Variants in PLEKHG3 observed in about 807,000 individuals in gnomAD.
The protein encoded by PLEKHG3 is pleckstrin homology and RhoGEF domain containing G3, also known as pleckstrin homology domain-containing family G member 3.
In PLEKHG3, 62 loss-of-function variants were observed where a neutral mutation model predicts 94.9. That is an observed-to-expected ratio of 0.65 (90% CI 0.53 to 0.81). PLEKHG3 has a LOEUF of 0.81. PLEKHG3 is among the 30% of genes least tolerant of loss of function. The pLI, the probability that PLEKHG3 is intolerant of heterozygous loss-of-function variation, is 0.00. For missense variants in PLEKHG3, 1,461 were observed against 1,619.3 expected (o/e 0.90, Z 1.68); for synonymous variants, 614 against 654.0 (o/e 0.94, Z 0.93).
In PLEKHG3 at chr14:64,731,566, CCTCTGCCATCTT is replaced by C; in HGVS notation, c.1032+28_1032+39del. On this transcript the variant is annotated intron_variant, in intron 8 of 16. Coordinates refer to ENST00000247226, the MANE Select transcript of PLEKHG3 (RefSeq NM_001308147.2). The surrounding 1 kb of genome is among the most constrained non-coding windows in gnomAD (Gnocchi z 6.1). The stretch of plus-strand genomic sequence containing the variant: ...CCGGTAACCAGGCCCTGCCCCATCT[CCTCTGCCATCTT>C]CTCTCCTTCCCAAAGGATCTGGGCT... 2 of 1,609,018 alleles carry C rather than the reference CCTCTGCCATCTT, an allele frequency of 1.2e-6. No homozygotes were observed. Among genetic ancestry groups the C allele is most frequent in the Non-Finnish European group, 8.5e-7 (1 of 1,175,510 alleles).
chr14:64,731,130 C>T lies in PLEKHG3; in HGVS notation c.810C>T (p.Asn270=), dbSNP rs61742002. 446 of 1,612,930 alleles carry T rather than the reference C, an allele frequency of 2.8e-4. 3 individuals are homozygous for T. In the African/African-American group the frequency reaches 5.3e-3, roughly 19 times the overall value. The change falls in exon 7 of 17, where the codon AAC becomes AAT. Residue 270 remains asparagine (N), a synonymous_variant. Transcript: ENST00000247226. The surrounding 1 kb of genome is among the most constrained non-coding windows in gnomAD (Gnocchi z 6.1). The part of the protein sequence containing the change: ...DTMTCVAWYI[N]DMKRRHEHAV... The stretch of plus-strand genomic sequence containing the variant: ...TGACCTGTGTGGCCTGGTACATCAA[C>T]GACATGAAGAGGAGGCATGAGCACG...
In PLEKHG3 at chr14:64,738,361, G is replaced by A. The variant is rs1196070043; in HGVS notation, c.1405-381G>A. On this transcript the variant is annotated intron_variant, in intron 14 of 16. Transcript: ENST00000247226. This position sits in a 1 kb window ranked among gnomAD's most constrained non-coding sequence, Gnocchi z 4.8. ...CCTCCCCTCAGCACTTAACACCATC[G>A]CTCGCTGTCACACCCTGGTGAGCCC... is the stretch of plus-strand genomic sequence containing the variant. 33 of 436,240 alleles carry A rather than the reference G, an allele frequency of 7.6e-5. No homozygotes were observed. Among genetic ancestry groups the A allele is most frequent in the Non-Finnish European group, 1.1e-4 (28 of 243,742 alleles). 27.0% of individuals were successfully genotyped at this position (436,240 alleles called of 1,614,324 possible). A position where few individuals can be genotyped will look rare whatever the true frequency, so the allele number is the denominator to read the frequency against.
At position 64,729,095 on chromosome 14, in the gene PLEKHG3, T is replaced by C; in HGVS notation, c.449+2T>C. ...AGAAAATATCTACGCGCTGAACAGG[T>C]GTGTGAATGGGCCTGACACTCACCA... On this transcript the variant is annotated splice_donor_variant, in intron 3 of 16. Coordinates refer to ENST00000247226, the MANE Select transcript of PLEKHG3 (RefSeq NM_001308147.2). LOFTEE classifies it high-confidence loss of function. 7.1e-7 allele frequency: 1 copy of C among 1,406,664 alleles called. No homozygotes were observed. The highest frequency in any genetic ancestry group is 9.7e-7 in the Non-Finnish European group (1 of 1,030,406). The allele number at this position is 1,406,664 out of a possible 1,614,324, so 87.1% of individuals were successfully genotyped here.
intron 1 of PLEKHG3, among the ~76,000 whole-genome samples, chr14:64,713,822 T>A (rs1340648407): frequency 6.6e-6 from 1 of 152,208 alleles, no homozygotes; most frequent in Admixed American, 6.5e-5. Flanking sequence ...CTATCTTATT[T>A]GTTTGAATTA....
rs906868058 is a variant in PLEKHG3, at chr14:64,718,575, C to G, written c.-39-9018C>G. On this transcript the variant is annotated intron_variant, in intron 1 of 16. Transcript: ENST00000247226. The surrounding 1 kb of genome is among the most constrained non-coding windows in gnomAD (Gnocchi z 5.0). ...TAGGTTGGAAGATTACTAGGGTTAT[C>G]TTCAAATCAGAGAGAGATTGAGGCA... is the stretch of plus-strand genomic sequence containing the variant. 6.6e-6 allele frequency among the ~76,000 whole-genome samples: 1 copy of G among 152,324 alleles called. No homozygotes were observed. Among genetic ancestry groups the G allele is most frequent in the East Asian group, 1.9e-4 (1 of 5,188 alleles).
At chr14:64,707,275 C>T (rs1341475022) in intron 1 of PLEKHG3, among the ~76,000 whole-genome samples, 2 of 152,230 alleles carry the variant, frequency 1.3e-5, no homozygotes, top group African/African-American at 4.8e-5. Flanking sequence ...TCAAGCTCAT[C>T]TGGGCCCCAC....
Position 64,741,554 on chromosome 14 carries a change from C to T in PLEKHG3, c.2037C>T (p.Asp679=), listed in dbSNP as rs1677350271. The T allele has an allele frequency of 1.9e-6, 3 of 1,612,902 alleles. No individual in the cohort carries two copies. The highest frequency in any genetic ancestry group is 1.3e-5 in the African/African-American group (1 of 74,954). ...VDISVGVATE[D]SPSVNGMEPP... ...TCAGTGTGGGGGTGGCCACAGAGGA[C>T]AGCCCTTCTGTCAATGGGATGGAGC... The change falls in exon 16 of 17, where the codon GAC becomes GAT. Residue 679 remains aspartate, a synonymous_variant. Transcript: ENST00000247226.
Position 64,749,257 on chromosome 14 carries a change from G to A in PLEKHG3, c.*5554G>A, listed in dbSNP as rs115474163. 6.5e-7 allele frequency: 1 copy of A among 1,537,410 alleles called. No individual in the cohort carries two copies. The highest frequency in any genetic ancestry group is 8.7e-7 in the Non-Finnish European group (1 of 1,146,386). ...GCGAGAGGAGGCCAAGGCCTGGGCT[G>A]CCCGGTCTCTGCGCGTCCCGACTCC... On this transcript the variant is annotated 3_prime_UTR_variant, in exon 17 of 17. Transcript: ENST00000247226. The surrounding 1 kb of genome is among the most constrained non-coding windows in gnomAD (Gnocchi z 4.7).
rs1233573306 is a variant in PLEKHG3 at position 64,749,528 on chromosome 14, G to A, written c.*5825G>A. 2.5e-6 allele frequency: 4 copies of A among 1,598,398 alleles called. No homozygotes were observed. The highest frequency in any genetic ancestry group is 1.1e-5 in the South Asian group (1 of 90,684). ...GGAGGCCCACAGCCCCCCACCTCCC[G>A]GGCCAGGCAACAATGGTGGGGGCTC... On this transcript the variant is annotated 3_prime_UTR_variant, in exon 17 of 17. Coordinates refer to ENST00000247226, the MANE Select transcript of PLEKHG3 (RefSeq NM_001308147.2). This position sits in a 1 kb window ranked among gnomAD's most constrained non-coding sequence, Gnocchi z 4.7.
chr14:64,743,014 T>C lies in PLEKHG3; in HGVS notation c.2971T>C (p.Tyr991His). ...GAAGCCGGTGCTGTCTCTATTTGAC[T>C]ATGAGCAGCTGATGGCCCAGGAGCA... ...KRKPVLSLFD[Y>H]EQLMAQEHSP... The change falls in exon 17 of 17, where the codon TAT becomes CAT. Residue 991 changes from tyrosine (Y) to histidine (H), a missense_variant. This residue lies in a region of PLEKHG3 where 1,201 missense variants were observed against 1,295.5 expected (regional missense o/e 0.93). Coordinates refer to ENST00000247226, the MANE Select transcript of PLEKHG3 (RefSeq NM_001308147.2). The surrounding 1 kb of genome is among the most constrained non-coding windows in gnomAD (Gnocchi z 7.2). The C allele has an allele frequency of 6.2e-7, 1 of 1,613,278 alleles. No homozygotes were observed.
At chr14:64,740,711 C>T (rs1174957748) in intron 15 of PLEKHG3, among the ~76,000 whole-genome samples, 1 of 152,240 alleles carries the variant, frequency 6.6e-6, no homozygotes, top group Non-Finnish European at 1.5e-5. Context: ...GCCCAACCCA[C>T]TGTTGTGTGT....
In PLEKHG3 at chr14:64,720,265, G is replaced by A. The variant is rs533282179; in HGVS notation, c.-39-7328G>A. 1.2e-4 allele frequency among the ~76,000 whole-genome samples: 19 copies of A among 152,304 alleles called. No homozygotes were observed. The highest frequency in any genetic ancestry group is 4.1e-4 in the South Asian group (2 of 4,832). On this transcript the variant is annotated intron_variant, in intron 1 of 16. Coordinates refer to ENST00000247226, the MANE Select transcript of PLEKHG3 (RefSeq NM_001308147.2). The surrounding 1 kb of genome is among the most constrained non-coding windows in gnomAD (Gnocchi z 4.1). ...TGTAGCCCAGCGGGGCAGCTATGCC[G>A]TGCTCTAGCTCCCTGTCTGGGGCCA...
intron 1 of PLEKHG3, among the ~76,000 whole-genome samples, chr14:64,706,986 G>C (rs1038727498): frequency 6.6e-6 from 1 of 152,230 alleles, no homozygotes; most frequent in Non-Finnish European, 1.5e-5. Context: ...GGAGGGTGTT[G>C]CTTTTGCAGC....
In PLEKHG3 at chr14:64,748,462, T is replaced by C. The variant is rs1207468967; in HGVS notation, c.*4759T>C. The C allele has an allele frequency of 6.6e-6, 1 of 152,232 alleles. No homozygotes were observed. Among genetic ancestry groups the C allele is most frequent in the East Asian group, 1.9e-4 (1 of 5,178 alleles). 9.4% of individuals were successfully genotyped at this position (152,232 alleles called of 1,614,324 possible). A position where few individuals can be genotyped will look rare whatever the true frequency, so the allele number is the denominator to read the frequency against. On this transcript the variant is annotated 3_prime_UTR_variant, in exon 17 of 17. Transcript: ENST00000247226. ...GTGTTGTGACGCACCTGTCACTCCT[T>C]CAGATCAGAGCCCTGTGCCCTAGCC...
Position 64,715,849 on chromosome 14 carries a change from A to G in PLEKHG3, c.-40+11145A>G. 2.9e-6 allele frequency: 1 copy of G among 343,648 alleles called. No individual in the cohort carries two copies. The highest frequency in any genetic ancestry group is 2.1e-5 in the South Asian group (1 of 48,020). 21.3% of individuals were successfully genotyped at this position (343,648 alleles called of 1,614,324 possible). A position where few individuals can be genotyped will look rare whatever the true frequency, so the allele number is the denominator to read the frequency against. ...TGCATTTCCTGGGCTAGGGCCCCCC[A>G]GCAATCAGGAATGAGAGAAATGCAG... On this transcript the variant is annotated intron_variant, in intron 1 of 16. Coordinates refer to ENST00000247226, the MANE Select transcript of PLEKHG3 (RefSeq NM_001308147.2). The surrounding 1 kb of genome is among the most constrained non-coding windows in gnomAD (Gnocchi z 4.4).
intron 14 of PLEKHG3, chr14:64,737,788 C>A (rs185527981): frequency 3.9e-6 from 3 of 766,144 alleles, no homozygotes; most frequent in Admixed American, 4.6e-5. Flanking sequence ...AAGGCTCCCC[C>A]CCCGCAGCTG....
rs758679699 is a variant in PLEKHG3, at chr14:64,727,842, G to A, written c.211G>A (p.Val71Met). Residue 71 changes from valine (V) to methionine (M), a missense_variant, in exon 2 of 17, where the codon GTG becomes ATG. Val to Met is a conservative substitution (Grantham distance 21, BLOSUM62 1). Around this residue, in one of 3 missense-constraint regions of PLEKHG3, gnomAD observed 253 missense variants for 297.8 expected, o/e 0.85. Coordinates refer to ENST00000247226, the MANE Select transcript of PLEKHG3 (RefSeq NM_001308147.2). This position sits in a 1 kb window ranked among gnomAD's most constrained non-coding sequence, Gnocchi z 6.0. ...CAACAACTCCAGCAGCTGGTTGAACGTGAAGGGGCCCCTCTCCCCGTTCAA... is the reference window on the plus strand; with the variant it reads ...CAACAACTCCAGCAGCTGGTTGAACATGAAGGGGCCCCTCTCCCCGTTCAA... Reference protein sequence around the residue: ...SNNNSSSWLNVKGPLSPFNSR... With the variant: ...SNNNSSSWLNMKGPLSPFNSR... 16 of 1,613,274 alleles carry A rather than the reference G, an allele frequency of 9.9e-6. No individual in the cohort carries two copies. The highest frequency in any genetic ancestry group is 6.7e-5 in the East Asian group (3 of 44,860).
At position 64,718,179 on chromosome 14, in the gene PLEKHG3, G is replaced by GT. The variant is rs1163702583; in HGVS notation, c.-39-9412dup. 6.6e-6 allele frequency among the ~76,000 whole-genome samples: 1 copy of GT among 152,204 alleles called. No homozygotes were observed. The highest frequency in any genetic ancestry group is 2.4e-5 in the African/African-American group (1 of 41,440). On this transcript the variant is annotated intron_variant, in intron 1 of 16. Coordinates refer to ENST00000247226, the MANE Select transcript of PLEKHG3 (RefSeq NM_001308147.2). This position sits in a 1 kb window ranked among gnomAD's most constrained non-coding sequence, Gnocchi z 5.0. ...CTAAGTAGCACTAGCTACTCCTTCT[G>GT]TTAGCACAGTTTATTTATTCATGCT...
chr14:64,748,007 AGGGT>A lies in PLEKHG3; in HGVS notation c.*4307_*4310del, dbSNP rs2081875110. On this transcript the variant is annotated 3_prime_UTR_variant, in exon 17 of 17. Transcript: ENST00000247226. ...CAGAGCTTCTGGTGCTCAGGGCTGGAGGGTGGTAGATATTTGACCTCTGTACTCA... is the reference window on the plus strand; with the variant it reads ...CAGAGCTTCTGGTGCTCAGGGCTGGAGGTAGATATTTGACCTCTGTACTCA... 6.6e-6 allele frequency: 1 copy of A among 152,036 alleles called. No individual in the cohort carries two copies. The highest frequency in any genetic ancestry group is 2.4e-5 in the African/African-American group (1 of 41,364). The allele number at this position is 152,036 out of a possible 1,614,324, so 9.4% of individuals were successfully genotyped here. A position where few individuals can be genotyped will look rare whatever the true frequency, so the allele number is the denominator to read the frequency against.
Sources: gnomAD v4.1 joint callset for allele counts (sites outside exome capture counted in the v4.1 genomes callset) on GRCh38, gnomAD v4.1.1 for gene constraint, gnomAD v4.1.1 regional missense constraint, Gnocchi (gnomAD v3.1) non-coding constraint, MANE v1.5 for transcripts, NCBI Gene and HGNC (gene_info 2026-07-23, HGNC 2026-07-21) for gene names.